Variants in USP9X observed in about 807,000 individuals in gnomAD.
USP9X encodes ubiquitin carboxyl-terminal hydrolase 9X.
A neutral mutation model predicts 190.3 loss-of-function variants in USP9X; 7 were observed. The observed-to-expected ratio is 0.04, with a 90% CI of 0.02 to 0.07. The LOEUF (loss-of-function observed/expected upper bound fraction) is 0.07, where lower values mean the gene tolerates loss of function less well. Ranked by LOEUF, USP9X falls within the 10% of genes least tolerant of loss-of-function variation. USP9X has a pLI of 1.00. For synonymous variants in USP9X, 645 were observed against 659.5 expected (o/e 0.98, Z 0.34); for missense variants, 1,010 against 1,916.9 (o/e 0.53, Z 8.83).
Position 41,140,950 on chromosome X carries a change from ATCTT to A in USP9X, c.771-11_771-8del. 1.7e-6 allele frequency: 2 copies of A among 1,158,371 alleles called. No homozygotes were observed. Among genetic ancestry groups the A allele is most frequent in the African/African-American group, 1.8e-5 (1 of 55,180 alleles). On this transcript the variant is annotated splice_polypyrimidine_tract_variant and intron_variant, in intron 7 of 44. Transcript: ENST00000378308. Reference sequence around the variant, plus strand: ...AATTGCGTATTTACAGGAGTTTTGTATCTTTCTTATTTCAGACCATTTGGGCAAT... The same window carrying A: ...AATTGCGTATTTACAGGAGTTTTGTATCTTATTTCAGACCATTTGGGCAAT...
intron 14 of USP9X, among the ~76,000 whole-genome samples, chrX:41,160,819 T>G (rs989978111): frequency 2.7e-5 from 3 of 112,084 alleles, no homozygotes; most frequent in Non-Finnish European, 5.6e-5. Flanking sequence ...TAGAAAGTCA[T>G]GAAAACCAAA....
At position 41,175,392 on chromosome X, in the gene USP9X, G is replaced by A. The variant is rs1032129513; in HGVS notation, c.3148+3434G>A. Among the ~76,000 whole-genome samples the A allele has an allele frequency of 1.8e-4, 20 of 110,312 alleles. 1 individual carries two copies. The East Asian group carries it at 2.6e-3, about 14-fold the overall frequency. On this transcript the variant is annotated intron_variant, in intron 21 of 44. Transcript: ENST00000378308. ...AAAAATTAGCCAGGTGTGGTGATGC[G>A]CACCTGTAGTCCCAGCTACTTGGGA... is the stretch of plus-strand genomic sequence containing the variant.
intron 33 of USP9X, among the ~76,000 whole-genome samples, chrX:41,213,827 G>A (rs758432628): frequency 7.2e-5 from 8 of 111,627 alleles, no homozygotes; most frequent in African/African-American, 2.6e-4. Flanking sequence ...ATGCCTTTGT[G>A]TACCTTTTTT....
intron 37 of USP9X, 57 bp from the exon 38 acceptor site, chrX:41,219,045 G>GT (rs2063237816): frequency 8.9e-7 from 1 of 1,127,966 alleles, no homozygotes; most frequent in East Asian, 3.1e-5. Flanking sequence ...TTTTATGCAA[G>GT]TAGAAGTATA....
At chrX:41,123,444 ATTAC>A in intron 1 of USP9X, 23 bp from the exon 2 acceptor site, 1 of 421,677 alleles carries the variant, frequency 2.4e-6, no homozygotes, top group East Asian at 4.1e-5. Context: ...TCTAAAACCA[ATTAC>A]TTTTTCCCCT....
rs140305381 is a variant in USP9X, at chrX:41,172,558, A to G, written c.3148+600A>G. ...CTGATTTTCTGCTGTGTAGATGAAAACTTAACTGTTACATACCCCCACATC... is the reference window on the plus strand; with the variant it reads ...CTGATTTTCTGCTGTGTAGATGAAAGCTTAACTGTTACATACCCCCACATC... On this transcript the variant is annotated intron_variant, in intron 21 of 44. Coordinates refer to ENST00000378308, the MANE Select transcript of USP9X (RefSeq NM_001039591.3). 7.2e-3 allele frequency among the ~76,000 whole-genome samples: 801 copies of G among 111,243 alleles called. 6 individuals are homozygous for G. The highest frequency in any genetic ancestry group is 0.023 in the African/African-American group (711 of 30,596).
At chrX:41,130,030 C>T (rs954571631) in intron 3 of USP9X, among the ~76,000 whole-genome samples, 5 of 111,177 alleles carry the variant, frequency 4.5e-5, no homozygotes, top group Non-Finnish European at 9.4e-5. Flanking sequence ...TAATTTCCCC[C>T]TTACATACAC....
At chrX:41,126,297 G>T (rs2062250801) in intron 2 of USP9X, among the ~76,000 whole-genome samples, 1 of 111,901 alleles carries the variant, frequency 8.9e-6, no homozygotes, top group African/African-American at 3.2e-5. Flanking sequence ...CTTGGACAGA[G>T]TTAAGACCTT....
Position 41,162,804 on chromosome X carries a change from G to A in USP9X, c.1912G>A (p.Asp638Asn). The A allele has an allele frequency of 8.3e-7, 1 of 1,208,154 alleles. No individual in the cohort carries two copies. Among genetic ancestry groups the A allele is most frequent in the Non-Finnish European group, 1.1e-6 (1 of 893,687 alleles). ...TTAATTTGCAGACCATGAAGATTAT[G>A]ACCCACAAACTGTGAGGCTGGGAAG... ...RLYARDHEDY[D>N]PQTVRLGSRY... Residue 638 changes from aspartate to asparagine, a missense_variant, in exon 15 of 45, where the codon GAC (aspartate) becomes AAC (asparagine). Around this residue, in one of 11 missense-constraint regions of USP9X, gnomAD observed 104 missense variants for 239.8 expected, o/e 0.43. Coordinates refer to ENST00000378308, the MANE Select transcript of USP9X (RefSeq NM_001039591.3).
intron 26 of USP9X, among the ~76,000 whole-genome samples, chrX:41,191,381 G>T (rs1341122686): frequency 9.1e-6 from 1 of 110,021 alleles, no homozygotes; most frequent in Non-Finnish European, 1.9e-5. Flanking sequence ...GGCCCCAGGG[G>T]TTTCAAATAA....
intron 33 of USP9X, among the ~76,000 whole-genome samples, chrX:41,213,054 TG>T (rs1476753265): frequency 8.9e-6 from 1 of 112,241 alleles, no homozygotes; most frequent in African/African-American, 3.2e-5. Flanking sequence ...TGGAAATCAC[TG>T]GTTTTCTTTG....
At chrX:41,213,867 CTA>C (rs925633373) in intron 33 of USP9X, among the ~76,000 whole-genome samples, 1 of 112,228 alleles carries the variant, frequency 8.9e-6, no homozygotes, top group Non-Finnish European at 1.9e-5. Flanking sequence ...AAATAAGGGA[CTA>C]TCTTAAACAG....
At chrX:41,108,877 C>A (rs930507592) in intron 1 of USP9X, among the ~76,000 whole-genome samples, 10 of 111,495 alleles carry the variant, frequency 9.0e-5, no homozygotes, top group African/African-American at 3.3e-4. Context: ...TTAAGAGCGT[C>A]TGCCTCACAA....
chrX:41,093,594 C>T (rs1244616017), intron 1 of USP9X, among the ~76,000 whole-genome samples: 2 of 111,525 alleles, frequency 1.8e-5, no homozygotes, highest in Non-Finnish European at 3.8e-5. Context: ...CCGCCTGCCT[C>T]GGCTTCCCAA....
At chrX:41,112,733 AATTG>A (rs1388640188) in intron 1 of USP9X, among the ~76,000 whole-genome samples, 2 of 112,358 alleles carry the variant, frequency 1.8e-5, no homozygotes, top group Admixed American at 9.4e-5. Context: ...GTCTAAATAT[AATTG>A]ATTGTGAGGT....
At position 41,194,670 on chromosome X, in the gene USP9X, T is replaced by A. The variant is rs2062967044; in HGVS notation, c.3978-1581T>A. 2.7e-5 allele frequency among the ~76,000 whole-genome samples: 3 copies of A among 112,041 alleles called. No homozygotes were observed. In the South Asian group the frequency reaches 1.1e-3, roughly 41 times the overall value. ...TGTCTATAAGATATTCACAAATGCT[T>A]AGCAGGTACTTGTTGAGCATCTTCC... On this transcript the variant is annotated intron_variant, in intron 26 of 44. Transcript: ENST00000378308.
intron 1 of USP9X, among the ~76,000 whole-genome samples, chrX:41,111,319 C>T (rs1293217758): frequency 8.9e-6 from 1 of 111,854 alleles, no homozygotes; most frequent in Non-Finnish European, 1.9e-5. Flanking sequence ...CTTCACCAGA[C>T]GCTAAATATG....
chrX:41,109,051 C>T (rs969896257), intron 1 of USP9X, among the ~76,000 whole-genome samples: 1 of 111,366 alleles, frequency 9.0e-6, no homozygotes, highest in Non-Finnish European at 1.9e-5. Context: ...TGTTCTTGGC[C>T]GTTCTCACCT....
chrX:41,181,115 T>C (rs2062820950), intron 21 of USP9X, among the ~76,000 whole-genome samples: 1 of 111,382 alleles, frequency 9.0e-6, no homozygotes, highest in African/African-American at 3.3e-5. Flanking sequence ...TACCATCTTT[T>C]GTAAAAGTCT....
Sources: allele counts gnomAD v4.1 joint callset (sites outside exome capture counted in the v4.1 genomes callset), GRCh38; gene constraint gnomAD v4.1.1; regional missense constraint gnomAD v4.1.1; transcripts MANE v1.5; gene names NCBI Gene and HGNC (gene_info 2026-07-23, HGNC 2026-07-21).